The following SORCS1 variants were observed in gnomAD, a reference collection of about 807,000 sequenced individuals.
The protein encoded by SORCS1 is sortilin related VPS10 domain containing receptor 1, also known as VPS10 domain-containing receptor SorCS1.
SORCS1 carries 60 observed loss-of-function variants against 146.1 expected under a neutral mutation model. The ratio of observed to expected loss-of-function variants is 0.41; its 90% CI spans 0.33 to 0.51. The LOEUF (loss-of-function observed/expected upper bound fraction) is 0.51, where lower values mean the gene tolerates loss of function less well. SORCS1 is among the 20% of genes least tolerant of loss of function. The pLI is 0.21. For missense variants in SORCS1, 1,352 were observed against 1,487.6 expected, an observed-to-expected ratio of 0.91 and a Z score of 1.50; for synonymous variants, 637 against 584.0, an observed-to-expected ratio of 1.09 and a Z score of -1.31.
intron 1 of SORCS1, among the ~76,000 whole-genome samples, chr10:106,998,211 T>C (rs184759653): frequency 3.3e-5 from 5 of 152,300 alleles, no homozygotes; most frequent in Non-Finnish European, 4.4e-5. Flanking sequence ...GAGCTAAGGG[T>C]AGTGTGTAAC....
intron 24 of SORCS1, among the ~76,000 whole-genome samples, chr10:106,591,839 C>T (rs1017412002): frequency 6.6e-6 from 1 of 151,952 alleles, no homozygotes; most frequent in African/African-American, 2.4e-5. Context: ...TTGAACTGAG[C>T]CTTAAAGTAC....
intron 1 of SORCS1, among the ~76,000 whole-genome samples, chr10:107,139,560 C>A (rs975362594): frequency 1.3e-5 from 2 of 152,130 alleles, no homozygotes; most frequent in Non-Finnish European, 2.9e-5. Context: ...GGGGAAAAAA[C>A]AGACAGCAGA....
intron 3 of SORCS1, among the ~76,000 whole-genome samples, chr10:106,791,517 C>G (rs547357981): frequency 6.6e-6 from 1 of 152,024 alleles, no homozygotes; most frequent in African/African-American, 2.4e-5. Context: ...CTGGCCAACA[C>G]TGTGAAACTC....
At chr10:106,823,073 G>A (rs1325149812) in intron 3 of SORCS1, among the ~76,000 whole-genome samples, 11 of 151,910 alleles carry the variant, frequency 7.2e-5, no homozygotes, top group African/African-American at 1.7e-4. Flanking sequence ...GTAAGCCACC[G>A]CACCTGGACC....
At chr10:106,800,195 C>A (rs1165138630) in intron 3 of SORCS1, among the ~76,000 whole-genome samples, 2 of 152,050 alleles carry the variant, frequency 1.3e-5, no homozygotes, top group Non-Finnish European at 2.9e-5. Flanking sequence ...TAGCTCTAAC[C>A]TCTCAAGCAA....
intron 1 of SORCS1, among the ~76,000 whole-genome samples, chr10:107,078,302 T>TAAA (rs1565009830): frequency 4.6e-5 from 7 of 151,908 alleles, no homozygotes; most frequent in African/African-American, 1.7e-4. Flanking sequence ...GGGACAAAAA[T>TAAA]ATAAAATAAA....
chr10:106,801,810 G>T (rs550856256), intron 3 of SORCS1, among the ~76,000 whole-genome samples: 1 of 152,204 alleles, frequency 6.6e-6, no homozygotes, highest in East Asian at 1.9e-4. Context: ...GATTACAGGC[G>T]TGAGCCACCG....
rs1554908001 is a variant in SORCS1, at chr10:106,994,086, A to AAAG, written c.559-37507_559-37506insCTT. On this transcript the variant is annotated intron_variant, in intron 1 of 25. Coordinates refer to ENST00000263054, the MANE Select transcript of SORCS1 (RefSeq NM_052918.5). ...CTCAAAAAAAAAAAAAAAAAAAAAA[A>AAAG]AGAAAATGAGAAGCAAACAAATTCA... 6.9e-3 allele frequency among the ~76,000 whole-genome samples: 924 copies of AAAG among 134,680 alleles called. 43 individuals are homozygous for AAAG. Among genetic ancestry groups the AAAG allele is most frequent in the African/African-American group, 0.03 (843 of 28,106 alleles). The allele number at this position is 134,680 out of a possible 152,430, so 88.4% of individuals were successfully genotyped here. A position where few individuals can be genotyped will look rare whatever the true frequency, so the allele number is the denominator to read the frequency against.
chr10:106,607,568 T>C (rs1169345479), intron 22 of SORCS1, among the ~76,000 whole-genome samples: 2 of 152,204 alleles, frequency 1.3e-5, no homozygotes, highest in Non-Finnish European at 2.9e-5. Context: ...TACATTCCTT[T>C]AAATAGAAGA....
At position 107,154,094 on chromosome 10, in the gene SORCS1, C is replaced by T. The variant is rs112777393; in HGVS notation, c.558+9875G>A. Among the ~76,000 whole-genome samples, 903 of 147,592 alleles carry T rather than the reference C, an allele frequency of 6.1e-3. 6 individuals carry two copies. Among genetic ancestry groups the T allele is most frequent in the African/African-American group, 0.021 (844 of 39,832 alleles). The stretch of plus-strand genomic sequence containing the variant: ...TGGCACCATCTTGGCTCACTGCAAC[C>T]TCCACCTCCCAGGTTCAAGCAATTC... On this transcript the variant is annotated intron_variant, in intron 1 of 25. Coordinates refer to ENST00000263054, the MANE Select transcript of SORCS1 (RefSeq NM_052918.5).
chr10:107,090,698 T>A (rs1964122009), intron 1 of SORCS1, among the ~76,000 whole-genome samples: 1 of 152,140 alleles, frequency 6.6e-6, no homozygotes, highest in South Asian at 2.1e-4. Context: ...ATGATAGAGA[T>A]GGTAAAATTA....
intron 1 of SORCS1, among the ~76,000 whole-genome samples, chr10:107,103,215 G>A (rs990182272): frequency 2.6e-5 from 4 of 152,142 alleles, no homozygotes; most frequent in Non-Finnish European, 5.9e-5. Flanking sequence ...AGTTGGATCT[G>A]CTCTGCAATT....
At chr10:106,613,995 C>A (rs1847186206) in intron 21 of SORCS1, among the ~76,000 whole-genome samples, 1 of 152,094 alleles carries the variant, frequency 6.6e-6, no homozygotes, top group Admixed American at 6.5e-5. Context: ...CCATCCCATG[C>A]ACCCTTCATC....
chr10:106,624,368 T>A (rs945254441), intron 19 of SORCS1, among the ~76,000 whole-genome samples: 2 of 136,650 alleles, frequency 1.5e-5, no homozygotes, highest in African/African-American at 2.8e-5. Flanking sequence ...TTTTTTTTTT[T>A]TTTTTTTTTT....
intron 1 of SORCS1, among the ~76,000 whole-genome samples, chr10:107,146,475 A>G (rs961517628): frequency 6.6e-6 from 1 of 152,188 alleles, no homozygotes; most frequent in Non-Finnish European, 1.5e-5. Context: ...CAAAGACTAC[A>G]GAACGTGAGT....
At chr10:106,843,551 C>T (rs1191591235) in intron 2 of SORCS1, among the ~76,000 whole-genome samples, 1 of 151,304 alleles carries the variant, frequency 6.6e-6, no homozygotes, top group Non-Finnish European at 1.5e-5. Flanking sequence ...CCCACCTCAG[C>T]CTCCCAAGTA....
At chr10:107,074,238 A>G (rs1031415061) in intron 1 of SORCS1, among the ~76,000 whole-genome samples, 3 of 152,100 alleles carry the variant, frequency 2.0e-5, no homozygotes, top group African/African-American at 7.2e-5. Flanking sequence ...TCATCTTTTT[A>G]CTGTCTCCAT....
At chr10:106,968,902 A>ATT (rs1481322271) in intron 1 of SORCS1, among the ~76,000 whole-genome samples, 2 of 152,232 alleles carry the variant, frequency 1.3e-5, no homozygotes, top group Non-Finnish European at 2.9e-5. Flanking sequence ...GAAGAAAAAC[A>ATT]TTTTACTCTC....
chr10:107,067,517 T>C (rs1961994249), intron 1 of SORCS1, among the ~76,000 whole-genome samples: 1 of 152,214 alleles, frequency 6.6e-6, no homozygotes, highest in Non-Finnish European at 1.5e-5. Context: ...TTTGTATGCA[T>C]ATAACTATAT....
Sources: gnomAD v4.1 joint callset for allele counts (sites outside exome capture counted in the v4.1 genomes callset) on GRCh38, gnomAD v4.1.1 for gene constraint, MANE v1.5 for transcripts, NCBI Gene and HGNC (gene_info 2026-07-23, HGNC 2026-07-21) for gene names.